The following KIF1A variants were observed in gnomAD, a reference collection of about 807,000 sequenced individuals.
The protein encoded by KIF1A is kinesin family member 1A, also known as kinesin-like protein KIF1A.
KIF1A carries 46 observed loss-of-function variants against 227.3 expected under a neutral mutation model. The observed-to-expected ratio is 0.20, with a 90% CI of 0.16 to 0.26. KIF1A has a LOEUF of 0.26. KIF1A is among the 10% of genes least tolerant of loss of function. KIF1A has a pLI of 1.00. For missense variants in KIF1A, 1,683 were observed against 2,485.9 expected (o/e 0.68, Z 6.87); for synonymous variants, 1,022 against 1,012.8 (o/e 1.01, Z -0.17).
chr2:240,767,456 C>G (rs2051353186), intron 17 of KIF1A, 111 bp from the exon 18 acceptor site: 7 of 879,852 alleles, frequency 8.0e-6, no homozygotes, highest in Non-Finnish European at 1.3e-5. Flanking sequence ...GGGTCCCTGC[C>G]CCCGCACTTG....
At chr2:240,767,668 G>T (rs545930644) in intron 17 of KIF1A, among the ~76,000 whole-genome samples, 23 of 152,370 alleles carry the variant, frequency 1.5e-4, no homozygotes, top group Non-Finnish European at 2.4e-4. Flanking sequence ...AGCATGTGGG[G>T]GCCCTGGGGC....
At chr2:240,797,833 G>T in intron 1 of KIF1A, 21 bp from the exon 2 acceptor site, 1 of 848,504 alleles carries the variant, frequency 1.2e-6, no homozygotes. Context: ...AGGGAAACAT[G>T]AATTAGAAAC....
In KIF1A at chr2:240,740,307, G is replaced by C. The variant is rs2047810578; in HGVS notation, c.3807C>G (p.Leu1269=). Residue 1269 remains leucine, a synonymous_variant, in exon 36 of 49, where the codon CTC becomes CTG. Coordinates refer to ENST00000498729, the MANE Select transcript of KIF1A (RefSeq NM_001244008.2). The surrounding 1 kb of genome is among the most constrained non-coding windows in gnomAD (Gnocchi z 6.1). ...RGGMPCMGTF[L]LHQGIQRRIT... is the part of the protein sequence containing the mutation. ...CAAGAGGGGCTCACACCTGGTGGAG[G>C]AGGAAGGTCCCCATGCATGGCATGC... The C allele has an allele frequency of 2.5e-6, 4 of 1,613,446 alleles. No homozygotes were observed. The highest frequency in any genetic ancestry group is 1.7e-6 in the Non-Finnish European group (2 of 1,179,658).
chr2:240,756,176 C>T (rs1247905563), intron 27 of KIF1A, among the ~76,000 whole-genome samples: 1 of 152,144 alleles, frequency 6.6e-6, no homozygotes, highest in Non-Finnish European at 1.5e-5. Flanking sequence ...CTGGGGCCAC[C>T]CTTAGCCTTC....
At position 240,736,994 on chromosome 2, in the gene KIF1A, G is replaced by A. The variant is rs374506051; in HGVS notation, c.4007+69C>T. The A allele has an allele frequency of 7.7e-5, 99 of 1,285,178 alleles. No homozygotes were observed. Among genetic ancestry groups the A allele is most frequent in the South Asian group, 1.2e-4 (10 of 83,500 alleles). 79.6% of individuals were successfully genotyped at this position (1,285,178 alleles called of 1,614,324 possible). The stretch of plus-strand genomic sequence containing the variant: ...ACCTTGTGTGGCTGAACCCTGTGCC[G>A]GGTTGGCTGAGGGCCTGGCAGGCTG... On this transcript the variant is annotated intron_variant, in intron 38 of 48. Coordinates refer to ENST00000498729, the MANE Select transcript of KIF1A (RefSeq NM_001244008.2). The surrounding 1 kb of genome is among the most constrained non-coding windows in gnomAD (Gnocchi z 4.7).
rs1015048632 is a variant in KIF1A, at chr2:240,778,010, G to A, written c.883-2084C>T. ...CCTCAAGGAGCTCTCGCCGTTCCCC[G>A]CACGGTTCCCACGCGGCTGCTCGCA... On this transcript the variant is annotated intron_variant, in intron 10 of 48. Transcript: ENST00000498729. The surrounding 1 kb of genome is among the most constrained non-coding windows in gnomAD (Gnocchi z 7.2). Among the ~76,000 whole-genome samples, 1 of 151,994 alleles carries A rather than the reference G, an allele frequency of 6.6e-6. No homozygotes were observed. Among genetic ancestry groups the A allele is most frequent in the South Asian group, 2.1e-4 (1 of 4,824 alleles).
At chr2:240,755,201 C>G (rs566706770) in intron 27 of KIF1A, among the ~76,000 whole-genome samples, 1 of 152,324 alleles carries the variant, frequency 6.6e-6, no homozygotes, top group African/African-American at 2.4e-5. Flanking sequence ...GGGGGCTGAC[C>G]CTGGCCTTGG....
At chr2:240,743,571 G>A (rs928654695) in intron 33 of KIF1A, among the ~76,000 whole-genome samples, 1 of 152,258 alleles carries the variant, frequency 6.6e-6, no homozygotes. Flanking sequence ...AGCTAGGCCG[G>A]GCTTCCCCAG....
At chr2:240,742,098 TGCA>T (rs2048042533) in intron 34 of KIF1A, among the ~76,000 whole-genome samples, 1 of 152,226 alleles carries the variant, frequency 6.6e-6, no homozygotes, top group African/African-American at 2.4e-5. Flanking sequence ...GGACTGGCTC[TGCA>T]GCAGCTGGAG....
At chr2:240,786,803 G>GAGTGAGGGGGTAGGGGCCA (rs1559530249) in intron 5 of KIF1A, among the ~76,000 whole-genome samples, 3 of 44,104 alleles carry the variant, frequency 6.8e-5, no homozygotes, top group African/African-American at 2.4e-4. Context: ...GGTGGGGGCT[G>GAGTGAGGGGGTAGGGGCCA]CCATCAGGAC....
At chr2:240,733,038 T>C (rs1055401403) in intron 38 of KIF1A, among the ~76,000 whole-genome samples, 1 of 32,656 alleles carries the variant, frequency 3.1e-5, no homozygotes, top group Non-Finnish European at 6.0e-5. Flanking sequence ...TGAGGGGGAA[T>C]GAGGGGGGGA....
In KIF1A at chr2:240,725,451, C is replaced by T; in HGVS notation, c.4123-47G>A. The T allele has an allele frequency of 6.3e-7, 1 of 1,598,982 alleles. No individual in the cohort carries two copies. The highest frequency in any genetic ancestry group is 2.2e-5 in the East Asian group (1 of 44,522). On this transcript the variant is annotated intron_variant, in intron 39 of 48. Transcript: ENST00000498729. The surrounding 1 kb of genome is among the most constrained non-coding windows in gnomAD (Gnocchi z 5.8). ...CTCAGGCACAAGGACACCCCGAGTGCCCAGGTGCCCTTCCAGCCTTCTCCT... is the reference window on the plus strand; with the variant it reads ...CTCAGGCACAAGGACACCCCGAGTGTCCAGGTGCCCTTCCAGCCTTCTCCT...
chr2:240,771,445 T>C (rs1238497341), intron 14 of KIF1A, among the ~76,000 whole-genome samples: 1 of 151,952 alleles, frequency 6.6e-6, no homozygotes, highest in East Asian at 1.9e-4. Context: ...GGCACAGACC[T>C]AGGCACTCTG....
At chr2:240,774,103 C>A in intron 12 of KIF1A, 80 bp downstream of exon 12, 1 of 892,216 alleles carries the variant, frequency 1.1e-6, no homozygotes, top group Non-Finnish European at 1.8e-6. Context: ...GTCACTGGTG[C>A]TTCCTAATTC....
intron 38 of KIF1A, among the ~76,000 whole-genome samples, chr2:240,728,579 C>T (rs1373175002): frequency 6.6e-6 from 1 of 152,244 alleles, no homozygotes; most frequent in Non-Finnish European, 1.5e-5. Context: ...GGGGTGCAAG[C>T]CCCAGGTGGA....
chr2:240,817,502 G>A (rs372678780), intron 1 of KIF1A, among the ~76,000 whole-genome samples: 14 of 152,174 alleles, frequency 9.2e-5, no homozygotes, highest in East Asian at 1.9e-4. Context: ...CTCTCCACCC[G>A]TGGTAGCGGC....
In KIF1A at chr2:240,773,099, G is replaced by A. The variant is rs750022058; in HGVS notation, c.1180+15C>T. The A allele has an allele frequency of 6.2e-7, 1 of 1,604,568 alleles. No individual in the cohort carries two copies. The highest frequency in any genetic ancestry group is 1.1e-5 in the South Asian group (1 of 89,634). On this transcript the variant is annotated intron_variant, in intron 13 of 48. Coordinates refer to ENST00000498729, the MANE Select transcript of KIF1A (RefSeq NM_001244008.2). ...CCCACAACCCTGTCCAGGACAGGCT[G>A]GAGCAGGCACTCACTGTCAGTGATG...
At chr2:240,761,439 G>A (rs1415732664) in intron 23 of KIF1A, 62 bp from the exon 24 acceptor site, 23 of 1,461,570 alleles carry the variant, frequency 1.6e-5, no homozygotes, top group Non-Finnish European at 1.8e-5. Context: ...ACCATGCCCC[G>A]CCCTCTGGAA....
chr2:240,728,395 T>C (rs779914361), intron 38 of KIF1A: 1 of 1,302,402 alleles, frequency 7.7e-7, no homozygotes. Context: ...GTACCTAGTG[T>C]CATTTCCCAA....
Sources: gnomAD v4.1 joint callset for allele counts (sites outside exome capture counted in the v4.1 genomes callset) on GRCh38, gnomAD v4.1.1 for gene constraint, Gnocchi (gnomAD v3.1) non-coding constraint, MANE v1.5 for transcripts, NCBI Gene and HGNC (gene_info 2026-07-23, HGNC 2026-07-21) for gene names.